Variants in BAZ2B observed in about 807,000 individuals in gnomAD.
BAZ2B encodes bromodomain adjacent to zinc finger domain 2B, also known as bromodomain adjacent to zinc finger domain protein 2B.
In BAZ2B, 91 loss-of-function variants were observed where a neutral mutation model predicts 246.0. The observed-to-expected ratio is 0.37, with a 90% CI of 0.31 to 0.44. The LOEUF is 0.44. BAZ2B is among the 20% of genes least tolerant of loss of function. The probability of loss-of-function intolerance (pLI) is 1.00; values close to 1 mark genes in which losing one functional copy is unlikely to be tolerated. For missense variants in BAZ2B, 2,332 were observed against 2,533.7 expected (o/e 0.92, Z 1.71); for synonymous variants, 855 against 860.0 (o/e 0.99, Z 0.10).
the BAZ2B span, among the ~76,000 whole-genome samples, chr2:159,626,505 C>A: frequency 6.6e-6 from 1 of 152,148 alleles, no homozygotes; most frequent in Non-Finnish European, 1.5e-5. Context: ...AATTAGAACT[C>A]AGGATTAAGA....
At chr2:159,324,672 A>T in intron 36 of BAZ2B, 139 bp downstream of exon 36, 1 of 260,966 alleles carries the variant, frequency 3.8e-6, no homozygotes. Context: ...ACACACACAC[A>T]CACACACACA....
chr2:159,569,156 C>T (rs150165650), intron 1 of BAZ2B, among the ~76,000 whole-genome samples: 259 of 152,156 alleles, frequency 1.7e-3, no homozygotes, highest in Admixed American at 3.1e-3. Context: ...CACTACTCAG[C>T]GATGTTCTCA....
intron 14 of BAZ2B, 78 bp downstream of exon 14, chr2:159,412,257 C>A: frequency 6.9e-7 from 1 of 1,441,150 alleles, no homozygotes; most frequent in African/African-American, 1.4e-5. Context: ...AGTGTCAATC[C>A]TAAGTCAAAA....
chr2:159,607,552 A>T (rs1349401015), intron 1 of BAZ2B, among the ~76,000 whole-genome samples: 1 of 144,874 alleles, frequency 6.9e-6, no homozygotes, highest in Non-Finnish European at 1.5e-5. Context: ...AAAGCCAAGC[A>T]GTCAATTTTG....
intron 3 of BAZ2B, chr2:159,461,547 C>A (rs2076408180): frequency 6.6e-6 from 1 of 152,380 alleles, no homozygotes; most frequent in African/African-American, 2.4e-5. Flanking sequence ...GCTTATAGTA[C>A]AATCCTGCCA....
the BAZ2B span, among the ~76,000 whole-genome samples, chr2:159,658,502 T>C: frequency 1.3e-5 from 2 of 151,984 alleles, no homozygotes; most frequent in East Asian, 3.9e-4. Flanking sequence ...CCCAGCTAAA[T>C]TTTATTTTTA....
the BAZ2B span, chr2:159,710,902 A>G: frequency 6.6e-6 from 1 of 152,238 alleles, no homozygotes; most frequent in African/African-American, 2.4e-5. Context: ...GACCTATGTA[A>G]TATTAAGTCA....
chr2:159,622,289 A>AAAAAAGGC, the BAZ2B span, among the ~76,000 whole-genome samples: 3 of 116,642 alleles, frequency 2.6e-5, no homozygotes, highest in Non-Finnish European at 3.7e-5. Flanking sequence ...AAAAAGGCAA[A>AAAAAAGGC]AACCAAAGTG....
Position 159,319,171 on chromosome 2 carries a change from G to A in BAZ2B, c.*1094C>T, listed in dbSNP as rs968216028. 2 of 152,526 alleles carry A rather than the reference G, an allele frequency of 1.3e-5. No individual in the cohort carries two copies. Among genetic ancestry groups the A allele is most frequent in the Non-Finnish European group, 1.5e-5 (1 of 68,026 alleles). The allele number at this position is 152,526 out of a possible 1,614,324, so 9.4% of individuals were successfully genotyped here. A position where few individuals can be genotyped will look rare whatever the true frequency, so the allele number is the denominator to read the frequency against. On this transcript the variant is annotated 3_prime_UTR_variant, in exon 37 of 37. Coordinates refer to ENST00000392783, the MANE Select transcript of BAZ2B (RefSeq NM_013450.4). The surrounding 1 kb of genome is among the most constrained non-coding windows in gnomAD (Gnocchi z 4.0). ...CAACACACAGTAGATAAAACACAGT[G>A]GTTACAAACGTCTTTTAAATTTATT...
chr2:159,686,610 G>T, the BAZ2B span, among the ~76,000 whole-genome samples: 36 of 124,392 alleles, frequency 2.9e-4, 1 homozygote, highest in Non-Finnish European at 5.0e-4. Context: ...ACAGAAGAGG[G>T]ATATTAAAAA....
At chr2:159,595,767 C>T (rs1354021682) in intron 1 of BAZ2B, among the ~76,000 whole-genome samples, 2 of 152,224 alleles carry the variant, frequency 1.3e-5, no homozygotes, top group African/African-American at 4.8e-5. Flanking sequence ...AGTCCATAGC[C>T]CACTCTTGTG....
At chr2:159,504,517 T>G (rs1007848402) in intron 2 of BAZ2B, among the ~76,000 whole-genome samples, 1 of 152,160 alleles carries the variant, frequency 6.6e-6, no homozygotes, top group East Asian at 1.9e-4. Flanking sequence ...ACCTTAAAAT[T>G]TAACTTGCCA....
chr2:159,407,197 C>T (rs532286822), intron 14 of BAZ2B, among the ~76,000 whole-genome samples: 228 of 152,104 alleles, frequency 1.5e-3, no homozygotes, highest in Middle Eastern at 3.4e-3. Flanking sequence ...ACTGGCTGGG[C>T]ACAGTGGCTC....
intron 9 of BAZ2B, 43 bp downstream of exon 9, chr2:159,432,714 A>G (rs1297625726): frequency 1.3e-6 from 2 of 1,578,066 alleles, no homozygotes; most frequent in South Asian, 1.2e-5. Flanking sequence ...TTTGGTTCAC[A>G]TAGCATTTAG....
At chr2:159,711,157 T>C in the BAZ2B span, among the ~76,000 whole-genome samples, 1 of 152,166 alleles carries the variant, frequency 6.6e-6, no homozygotes, top group African/African-American at 2.4e-5. Context: ...TTCTTCAGGG[T>C]GTATACATCC....
chr2:159,675,489 A>T, the BAZ2B span, among the ~76,000 whole-genome samples: 16 of 152,300 alleles, frequency 1.1e-4, no homozygotes, highest in South Asian at 3.1e-3. Context: ...AGAGTTTTAT[A>T]AAGGGAAACC....
chr2:159,430,703 G>A (rs2070936757), intron 10 of BAZ2B, among the ~76,000 whole-genome samples, 160 bp downstream of exon 10: 1 of 152,140 alleles, frequency 6.6e-6, no homozygotes, highest in Non-Finnish European at 1.5e-5. Flanking sequence ...CAGGTAATGA[G>A]TCATATCCTT....
chr2:159,711,290 C>T, the BAZ2B span, among the ~76,000 whole-genome samples: 2 of 152,170 alleles, frequency 1.3e-5, no homozygotes, highest in African/African-American at 4.8e-5. Context: ...ATACCAGATG[C>T]TTATTTTCAT....
Position 159,385,214 on chromosome 2 carries a change from C to T in BAZ2B, c.3627G>A (p.Gln1209=). The T allele has an allele frequency of 6.2e-7, 1 of 1,613,600 alleles. No homozygotes were observed. The highest frequency in any genetic ancestry group is 8.5e-7 in the Non-Finnish European group (1 of 1,179,664). ...TCAGGAAAGCCAGGACTGAAGCTTT[C>T]TGTGCTGGAGTGTGAGCCTGAAAAG... ...TKAFQAHTPA[Q]KASVLAFLIN... Residue 1209 remains glutamine (Q), a synonymous_variant, in exon 23 of 37, where the codon CAG becomes CAA. Transcript: ENST00000392783.
Sources: allele counts gnomAD v4.1 joint callset (sites outside exome capture counted in the v4.1 genomes callset), GRCh38; gene constraint gnomAD v4.1.1; non-coding constraint Gnocchi (gnomAD v3.1); transcripts MANE v1.5; gene names NCBI Gene and HGNC (gene_info 2026-07-23, HGNC 2026-07-21).